The following M1AP variants were observed in gnomAD, a reference collection of about 807,000 sequenced individuals.
The protein encoded by M1AP is meiosis 1 arrest protein.
In M1AP, 39 loss-of-function variants were observed where a neutral mutation model predicts 51.2. The ratio of observed to expected loss-of-function variants is 0.76; its 90% CI spans 0.59 to 1.00. The LOEUF is 1.00. Ranked by LOEUF, M1AP falls within the 50% of genes least tolerant of loss-of-function variation. M1AP has a pLI of 0.00. For synonymous variants in M1AP, 251 were observed against 249.2 expected, an observed-to-expected ratio of 1.01 and a Z score of -0.07; for missense variants, 545 against 641.2, an observed-to-expected ratio of 0.85 and a Z score of 1.62.
rs1678075001 is a variant in M1AP at position 74,562,322 on chromosome 2, G to T, written c.1176C>A (p.Ser392=). The change falls in exon 8 of 11, where the codon TCC becomes TCA. Residue 392 remains serine, a synonymous_variant. Coordinates refer to ENST00000421985, the MANE Select transcript of M1AP (RefSeq NM_001321739.2). ...STFYVIMPSH[S]LTLLVKAVAT... ...CCACCGCCTTTACCAGCAGTGTGAG[G>T]GAGTGTGACGGCATGATCACATAGA... The T allele has an allele frequency of 6.2e-7, 1 of 1,614,130 alleles. No homozygotes were observed. The highest frequency in any genetic ancestry group is 8.5e-7 in the Non-Finnish European group (1 of 1,180,052).
At chr2:74,568,039 A>G (rs1678495739) in intron 7 of M1AP, among the ~76,000 whole-genome samples, 1 of 152,256 alleles carries the variant, frequency 6.6e-6, no homozygotes, top group Non-Finnish European at 1.5e-5. Flanking sequence ...CACAACATTT[A>G]TAGTCGACGA....
At chr2:74,591,150 C>A (rs1573107953) in intron 4 of M1AP, among the ~76,000 whole-genome samples, 2 of 152,338 alleles carry the variant, frequency 1.3e-5, no homozygotes, top group East Asian at 3.9e-4. Flanking sequence ...CGCCTCCCAG[C>A]TGTCTATGTA....
chr2:74,612,367 G>A, intron 3 of M1AP, among the ~76,000 whole-genome samples: 1 of 151,984 alleles, frequency 6.6e-6, no homozygotes, highest in Non-Finnish European at 1.5e-5. Context: ...CTACAGGTAT[G>A]TGCACCACAC....
intron 7 of M1AP, chr2:74,575,203 A>G (rs1678984237): frequency 1.3e-6 from 1 of 765,570 alleles, no homozygotes; most frequent in African/African-American, 1.9e-5. Flanking sequence ...TAAGCTTGCC[A>G]ATCGGGGATT....
At chr2:74,646,785 T>G (rs185480437) in intron 1 of M1AP, among the ~76,000 whole-genome samples, 3 of 152,354 alleles carry the variant, frequency 2.0e-5, no homozygotes, top group African/African-American at 7.2e-5. Flanking sequence ...TTTAGTGTTT[T>G]GACAATTTTT....
intron 7 of M1AP, among the ~76,000 whole-genome samples, chr2:74,569,854 G>A (rs1678618033): frequency 6.6e-6 from 1 of 151,708 alleles, no homozygotes; most frequent in Non-Finnish European, 1.5e-5. Context: ...GAGAGAACAG[G>A]GACTGAGGAG....
intron 4 of M1AP, among the ~76,000 whole-genome samples, chr2:74,604,673 C>A (rs1216382898): frequency 6.6e-6 from 1 of 152,156 alleles, no homozygotes; most frequent in Non-Finnish European, 1.5e-5. Flanking sequence ...TTGGAGATCC[C>A]TGCTCTAAGA....
At position 74,647,066 on chromosome 2, in the gene M1AP, T is replaced by G. The variant is rs142990179; in HGVS notation, c.-53+1199A>C. ...GAACACTCGCTTAATGAATTCTCCC[T>G]GCAAACTGGTTAAAACTGGAACTGG... On this transcript the variant is annotated intron_variant, in intron 1 of 10. Coordinates refer to ENST00000421985, the MANE Select transcript of M1AP (RefSeq NM_001321739.2). Among the ~76,000 whole-genome samples, 24 of 152,300 alleles carry G rather than the reference T, an allele frequency of 1.6e-4. No individual in the cohort carries two copies. In the East Asian group the frequency reaches 4.2e-3, roughly 27 times the overall value.
Position 74,558,334 on chromosome 2 carries a change from T to A in M1AP, c.*382A>T, listed in dbSNP as rs1372085664. The A allele has an allele frequency of 5.3e-6, 1 of 188,332 alleles. No homozygotes were observed. The highest frequency in any genetic ancestry group is 2.4e-5 in the African/African-American group (1 of 41,872). 11.7% of individuals were successfully genotyped at this position (188,332 alleles called of 1,614,324 possible). A position where few individuals can be genotyped will look rare whatever the true frequency, so the allele number is the denominator to read the frequency against. ...ATGAGCTTTCAAAACCTCATCCTTG[T>A]TCCTGAGGTCCAGTTTACCAAAGGT... On this transcript the variant is annotated 3_prime_UTR_variant, in exon 11 of 11. Transcript: ENST00000421985.
chr2:74,647,334 C>A (rs915411096), intron 1 of M1AP: 2 of 985,366 alleles, frequency 2.0e-6, no homozygotes, highest in Middle Eastern at 5.2e-4. Flanking sequence ...CCGTGCTGAG[C>A]ATTCTAGGTT....
chr2:74,596,185 G>C (rs1327560124), intron 4 of M1AP, among the ~76,000 whole-genome samples: 6 of 152,188 alleles, frequency 3.9e-5, no homozygotes, highest in Admixed American at 3.9e-4. Context: ...GATCAGAATA[G>C]ACATAAAGCA....
chr2:74,601,809 T>C (rs1329918668), intron 4 of M1AP, among the ~76,000 whole-genome samples: 2 of 152,190 alleles, frequency 1.3e-5, no homozygotes, highest in Non-Finnish European at 2.9e-5. Context: ...GTGAGTCTAC[T>C]TTCTTAATTT....
intron 1 of M1AP, among the ~76,000 whole-genome samples, chr2:74,646,656 CTA>C (rs1179739973): frequency 3.3e-5 from 5 of 152,128 alleles, no homozygotes; most frequent in Non-Finnish European, 7.3e-5. Context: ...ATAAGTTTTA[CTA>C]TGAGAGTTTT....
chr2:74,623,241 C>A (rs909213278), intron 2 of M1AP, among the ~76,000 whole-genome samples: 7 of 152,034 alleles, frequency 4.6e-5, no homozygotes, highest in Admixed American at 2.0e-4. Context: ...CAGTGGCTCA[C>A]GCCTGTAATC....
At chr2:74,608,602 GA>G (rs1199864623) in intron 3 of M1AP, among the ~76,000 whole-genome samples, 2 of 152,210 alleles carry the variant, frequency 1.3e-5, no homozygotes, top group Non-Finnish European at 2.9e-5. Context: ...TAAATACCAA[GA>G]AGCATGATTT....
chr2:74,576,424 G>T (rs1679068448), intron 6 of M1AP, 32 bp downstream of exon 6: 1 of 1,608,752 alleles, frequency 6.2e-7, no homozygotes, highest in African/African-American at 1.3e-5. Flanking sequence ...AATAGCATTT[G>T]CATGGATTGG....
At position 74,562,327 on chromosome 2, in the gene M1AP, G is replaced by A. The variant is rs1573055871; in HGVS notation, c.1171C>T (p.His391Tyr). 1.9e-6 allele frequency: 3 copies of A among 1,614,268 alleles called. No homozygotes were observed. Among genetic ancestry groups the A allele is most frequent in the Non-Finnish European group, 2.5e-6 (3 of 1,180,048 alleles). Residue 391 changes from histidine (H) to tyrosine (Y), a missense_variant, in exon 8 of 11, where the codon CAC becomes TAC. Transcript: ENST00000421985. ...ASTFYVIMPS[H>Y]SLTLLVKAVA... ...GCCTTTACCAGCAGTGTGAGGGAGT[G>A]TGACGGCATGATCACATAGAAGGTG...
chr2:74,588,049 C>T (rs1679818246), intron 4 of M1AP, among the ~76,000 whole-genome samples: 1 of 152,100 alleles, frequency 6.6e-6, no homozygotes, highest in Non-Finnish European at 1.5e-5. Flanking sequence ...AATATAGAGG[C>T]CCAGGAAAGT....
rs1221732846 is a variant in M1AP, at chr2:74,560,200, T to C, written c.1373A>G (p.Lys458Arg). 1 of 1,613,968 alleles carries C rather than the reference T, an allele frequency of 6.2e-7. No individual in the cohort carries two copies. The highest frequency in any genetic ancestry group is 2.2e-5 in the East Asian group (1 of 44,876). The change falls in exon 9 of 11, where the codon AAG (lysine) becomes AGG (arginine). Residue 458 changes from lysine to arginine, a missense_variant. Transcript: ENST00000421985. ...LYSHLSSIYA[K>R]PQGRLHPHWE... ...GTGTGGGTGGAGCCGCCCCTGAGGC[T>C]TGGCATAGATGCTGCTCAGGTGTGA...
Sources: gnomAD v4.1 joint callset for allele counts (sites outside exome capture counted in the v4.1 genomes callset) on GRCh38, gnomAD v4.1.1 for gene constraint, MANE v1.5 for transcripts, NCBI Gene and HGNC (gene_info 2026-07-23, HGNC 2026-07-21) for gene names.